IL17RD: variants seen among roughly 807,000 people sequenced by gnomAD.
The protein encoded by IL17RD is interleukin-17 receptor D.
IL17RD carries 52 observed loss-of-function variants against 80.5 expected under a neutral mutation model. That is an observed-to-expected ratio of 0.65 (90% CI 0.52 to 0.81). IL17RD has a LOEUF of 0.81. IL17RD is among the 40% of genes least tolerant of loss of function. The probability of loss-of-function intolerance (pLI) is 0.00; values close to 1 mark genes in which losing one functional copy is unlikely to be tolerated. For missense variants in IL17RD, 1,024 were observed against 955.1 expected (o/e 1.07, Z -0.95); for synonymous variants, 416 against 391.8 (o/e 1.06, Z -0.73).
chr3:57,165,157 T>C lies in IL17RD; in HGVS notation c.126+4A>G. ...CGGCAAGAAACCCGCCGCCCTCGCC[T>C]TACCCTCCAGCCACAGGTGTCGGCG... On this transcript the variant is annotated splice_donor_region_variant and intron_variant, in intron 1 of 12. Coordinates refer to ENST00000296318, the MANE Select transcript of IL17RD (RefSeq NM_017563.5). 6.6e-7 allele frequency: 1 copy of C among 1,522,026 alleles called. No homozygotes were observed. Among genetic ancestry groups the C allele is most frequent in the Non-Finnish European group, 8.8e-7 (1 of 1,136,842 alleles). The allele number at this position is 1,522,026 out of a possible 1,614,324, so 94.3% of individuals were successfully genotyped here. A position where few individuals can be genotyped will look rare whatever the true frequency, so the allele number is the denominator to read the frequency against.
chr3:57,121,277 T>C (rs1707331993), intron 1 of IL17RD, among the ~76,000 whole-genome samples: 1 of 152,186 alleles, frequency 6.6e-6, no homozygotes, highest in African/African-American at 2.4e-5. Context: ...AATGGGTAAT[T>C]GTTACACCAA....
intron 1 of IL17RD, chr3:57,142,516 T>A: frequency 7.8e-7 from 1 of 1,286,652 alleles, no homozygotes; most frequent in Non-Finnish European, 1.0e-6. Flanking sequence ...TCCCTCCCCC[T>A]CCAACCGCCC....
intron 1 of IL17RD, among the ~76,000 whole-genome samples, chr3:57,143,185 A>T (rs1205121808): frequency 1.3e-5 from 2 of 152,174 alleles, no homozygotes; most frequent in Non-Finnish European, 2.9e-5. Context: ...CAAAAATTTG[A>T]CCTACCTTAA....
At chr3:57,149,469 C>A (rs1229134586) in intron 1 of IL17RD, among the ~76,000 whole-genome samples, 2 of 152,154 alleles carry the variant, frequency 1.3e-5, no homozygotes, top group Non-Finnish European at 1.5e-5. Context: ...TATTGTCCCT[C>A]GAGTATAAAG....
intron 3 of IL17RD, among the ~76,000 whole-genome samples, chr3:57,111,763 G>C (rs912919973): frequency 1.3e-5 from 2 of 151,250 alleles, no homozygotes; most frequent in African/African-American, 4.9e-5. Context: ...AAGGTCAGGA[G>C]ATTGAGACCA....
intron 1 of IL17RD, among the ~76,000 whole-genome samples, chr3:57,139,354 C>T (rs1365669015): frequency 6.6e-6 from 1 of 152,020 alleles, no homozygotes; most frequent in East Asian, 1.9e-4. Flanking sequence ...ATGTTTTCAA[C>T]ATGAAAACCA....
Position 57,098,352 on chromosome 3 carries a change from G to A in IL17RD, c.1351C>T (p.Leu451=), listed in dbSNP as rs778809761. 7 of 1,613,906 alleles carry A rather than the reference G, an allele frequency of 4.3e-6. No individual in the cohort carries two copies. Among genetic ancestry groups the A allele is most frequent in the Admixed American group, 1.7e-5 (1 of 60,016 alleles). The part of the protein sequence containing the change: ...GRGSGKGELF[L]VAVSAIAEKL... ...TCGGCAATGGCTGACACCGCCACCA[G>A]GAAGAGCTCTCCTTTCCCCGAGCCT... The change falls in exon 12 of 13, where the codon CTG becomes TTG. Residue 451 remains leucine, a synonymous_variant. Coordinates refer to ENST00000296318, the MANE Select transcript of IL17RD (RefSeq NM_017563.5).
At position 57,101,304 on chromosome 3, in the gene IL17RD, G is replaced by A. The variant is rs373412179; in HGVS notation, c.1039C>T (p.Leu347Phe). Residue 347 changes from leucine (L) to phenylalanine (F), a missense_variant, in exon 11 of 13, where the codon CTC (leucine) becomes TTC (phenylalanine). Physicochemically the swap from Leu to Phe is conservative, Grantham distance 22 (BLOSUM62 0). Coordinates refer to ENST00000296318, the MANE Select transcript of IL17RD (RefSeq NM_017563.5). ...CGCGGCCGGAGCCTCTCTCTTGGGA[G>A]TGCTGCAGTGTATGTGGAAGACTCA... ...SSESSTYTAA[L>F]PRERLRPRPK... 1 of 1,613,110 alleles carries A rather than the reference G, an allele frequency of 6.2e-7. No homozygotes were observed. Among genetic ancestry groups the A allele is most frequent in the Non-Finnish European group, 8.5e-7 (1 of 1,179,190 alleles).
intron 2 of IL17RD, 72 bp downstream of exon 2, chr3:57,120,184 A>AT: frequency 8.0e-7 from 1 of 1,247,630 alleles, no homozygotes; most frequent in South Asian, 1.2e-5. Flanking sequence ...AGAGTCCTTG[A>AT]TTAAGCATGG....
intron 12 of IL17RD, among the ~76,000 whole-genome samples, chr3:57,097,070 G>A (rs1391860849): frequency 6.6e-6 from 1 of 151,946 alleles, no homozygotes; most frequent in Non-Finnish European, 1.5e-5. Context: ...CATGGTAAGG[G>A]ACAGCCTGAG....
At chr3:57,148,883 A>G (rs1400697841) in intron 1 of IL17RD, among the ~76,000 whole-genome samples, 2 of 152,150 alleles carry the variant, frequency 1.3e-5, no homozygotes, top group Non-Finnish European at 2.9e-5. Flanking sequence ...GGCTTCCTGT[A>G]TATCCTATCA....
At chr3:57,137,574 A>G (rs114128921) in intron 1 of IL17RD, among the ~76,000 whole-genome samples, 1 of 152,336 alleles carries the variant, frequency 6.6e-6, no homozygotes, top group African/African-American at 2.4e-5. Flanking sequence ...CAGAAGTGAC[A>G]CTTATAAAAC....
At chr3:57,137,358 G>C (rs983972656) in intron 1 of IL17RD, among the ~76,000 whole-genome samples, 1 of 152,224 alleles carries the variant, frequency 6.6e-6, no homozygotes, top group Admixed American at 6.5e-5. Flanking sequence ...TCCAAATACA[G>C]TGGTCCTTAC....
intron 1 of IL17RD, 43 bp downstream of exon 1, chr3:57,165,118 C>T: frequency 1.4e-6 from 2 of 1,481,402 alleles, no homozygotes; most frequent in Non-Finnish European, 1.8e-6. Flanking sequence ...GCTGCGTCCC[C>T]CGCGAGTTGG....
chr3:57,160,987 T>C (rs775502915), intron 1 of IL17RD, among the ~76,000 whole-genome samples: 1 of 152,096 alleles, frequency 6.6e-6, no homozygotes, highest in Non-Finnish European at 1.5e-5. Flanking sequence ...AGTTAATAAC[T>C]AGCACAATGC....
At chr3:57,145,403 T>C (rs1707905828) in intron 1 of IL17RD, among the ~76,000 whole-genome samples, 1 of 152,150 alleles carries the variant, frequency 6.6e-6, no homozygotes, top group Non-Finnish European at 1.5e-5. Context: ...GATGGAGACG[T>C]GGGCACCCTC....
At chr3:57,146,035 G>GCACGCGCGCGCA (rs781080176) in intron 1 of IL17RD, among the ~76,000 whole-genome samples, 1 of 151,274 alleles carries the variant, frequency 6.6e-6, no homozygotes, top group Non-Finnish European at 1.5e-5. Context: ...ACACTCACGC[G>GCACGCGCGCGCA]CGCGCGCGCG....
chr3:57,166,468 C>T (rs1168843464), upstream of IL17RD, among the ~76,000 whole-genome samples: 1 of 152,106 alleles, frequency 6.6e-6, no homozygotes, highest in Non-Finnish European at 1.5e-5. Flanking sequence ...GCCAACCGCA[C>T]TGAAGCCTGA....
In IL17RD at chr3:57,101,293, C is replaced by G. The variant is rs1262655613; in HGVS notation, c.1050G>C (p.Glu350Asp). 6.2e-7 allele frequency: 1 copy of G among 1,613,212 alleles called. No homozygotes were observed. Among genetic ancestry groups the G allele is most frequent in the Non-Finnish European group, 8.5e-7 (1 of 1,179,246 alleles). ...SSTYTAALPR[E>D]RLRPRPKVFL... ...AGACCTTCGGCCGCGGCCGGAGCCT[C>G]TCTCTTGGGAGTGCTGCAGTGTATG... is the stretch of plus-strand genomic sequence containing the variant. Residue 350 changes from glutamate to aspartate, a missense_variant, in exon 11 of 13, where the codon GAG (glutamate) becomes GAC (aspartate). Glu to Asp is a conservative substitution (Grantham distance 45, BLOSUM62 2). Coordinates refer to ENST00000296318, the MANE Select transcript of IL17RD (RefSeq NM_017563.5).
Sources: allele counts gnomAD v4.1 joint callset (sites outside exome capture counted in the v4.1 genomes callset), GRCh38; gene constraint gnomAD v4.1.1; transcripts MANE v1.5; gene names NCBI Gene and HGNC (gene_info 2026-07-23, HGNC 2026-07-21).